The following CADPS variants were observed in gnomAD, a reference collection of about 807,000 sequenced individuals.
The protein encoded by CADPS is calcium dependent secretion activator.
A neutral mutation model predicts 167.3 loss-of-function variants in CADPS; 57 were observed. The observed-to-expected ratio is 0.34, with a 90% CI of 0.28 to 0.42. CADPS has a LOEUF of 0.42. CADPS is among the 20% of genes least tolerant of loss of function. The pLI, the probability that CADPS is intolerant of heterozygous loss-of-function variation, is 1.00. For missense variants in CADPS, 1,414 were observed against 1,738.1 expected, an observed-to-expected ratio of 0.81 and a Z score of 3.32; for synonymous variants, 676 against 635.3, an observed-to-expected ratio of 1.06 and a Z score of -0.96.
intron 6 of CADPS, among the ~76,000 whole-genome samples, chr3:62,611,987 T>C (rs539741500): frequency 1.3e-5 from 2 of 152,350 alleles, no homozygotes; most frequent in South Asian, 4.1e-4. Flanking sequence ...GGACAAGGAC[T>C]CTTGCTTGCT....
intron 1 of CADPS, among the ~76,000 whole-genome samples, chr3:62,831,293 T>G (rs1298540830): frequency 6.6e-6 from 1 of 152,090 alleles, no homozygotes; most frequent in Non-Finnish European, 1.5e-5. Context: ...TAGAGAGAGG[T>G]GAAATAACTT....
At chr3:62,619,130 C>T (rs1450456511) in intron 6 of CADPS, among the ~76,000 whole-genome samples, 1 of 152,194 alleles carries the variant, frequency 6.6e-6, no homozygotes, top group Non-Finnish European at 1.5e-5. Context: ...TCAACAGTTG[C>T]AACTAAGATT....
chr3:62,566,321 G>A (rs2080184048), intron 9 of CADPS, among the ~76,000 whole-genome samples: 1 of 152,204 alleles, frequency 6.6e-6, no homozygotes, highest in Non-Finnish European at 1.5e-5. Flanking sequence ...TAAGGGTTTG[G>A]TGGCTAAAGA....
intron 1 of CADPS, among the ~76,000 whole-genome samples, chr3:62,792,664 T>C (rs1402149027): frequency 1.3e-5 from 2 of 152,182 alleles, no homozygotes; most frequent in African/African-American, 2.4e-5. Context: ...GGCAAAATCA[T>C]AGCTCACTAC....
chr3:62,487,663 T>C (rs1333510005), intron 21 of CADPS, among the ~76,000 whole-genome samples: 2 of 152,244 alleles, frequency 1.3e-5, no homozygotes, highest in African/African-American at 4.8e-5. Flanking sequence ...ACTGTCTTTC[T>C]AGGGAAAGGC....
At chr3:62,861,787 C>T (rs921418718) in intron 1 of CADPS, among the ~76,000 whole-genome samples, 1 of 152,172 alleles carries the variant, frequency 6.6e-6, no homozygotes, top group African/African-American at 2.4e-5. Flanking sequence ...ATGAACCAAC[C>T]TTTGTTCTTA....
chr3:62,478,173 G>C lies in CADPS; in HGVS notation c.3329+88C>G. ...CTTCTCCAATTAGTTTCAAACTACA[G>C]CCAATTGAAAGAGCAGCCATCTACC... On this transcript the variant is annotated intron_variant, in intron 23 of 29. Transcript: ENST00000383710. The surrounding 1 kb of genome is among the most constrained non-coding windows in gnomAD (Gnocchi z 5.7). The C allele has an allele frequency of 1.4e-6, 2 of 1,406,968 alleles. No homozygotes were observed. Among genetic ancestry groups the C allele is most frequent in the Non-Finnish European group, 2.0e-6 (2 of 1,012,724 alleles). 87.2% of individuals were successfully genotyped at this position (1,406,968 alleles called of 1,614,324 possible). A position where few individuals can be genotyped will look rare whatever the true frequency, so the allele number is the denominator to read the frequency against.
chr3:62,465,321 C>A lies in CADPS; in HGVS notation c.3636+46G>T. 6.7e-7 allele frequency: 1 copy of A among 1,485,676 alleles called. No individual in the cohort carries two copies. The highest frequency in any genetic ancestry group is 1.3e-5 in the South Asian group (1 of 79,890). The allele number at this position is 1,485,676 out of a possible 1,614,324, so 92.0% of individuals were successfully genotyped here. ...CATAACTCCTCTCCCAAGCCGAAAC[C>A]AAAAATTAAAACAAAAGCCAGGAAA... On this transcript the variant is annotated intron_variant, in intron 26 of 29. Coordinates refer to ENST00000383710, the MANE Select transcript of CADPS (RefSeq NM_003716.4). This position sits in a 1 kb window ranked among gnomAD's most constrained non-coding sequence, Gnocchi z 4.1.
intron 28 of CADPS, among the ~76,000 whole-genome samples, chr3:62,426,085 C>T (rs533015812): frequency 3.9e-5 from 6 of 152,156 alleles, no homozygotes; most frequent in African/African-American, 1.2e-4. Context: ...TGGAATGTAT[C>T]GCTACTTTTC....
chr3:62,756,004 G>T (rs116369813), intron 2 of CADPS, among the ~76,000 whole-genome samples: 1,926 of 151,910 alleles, frequency 0.013, 18 homozygotes, highest in Middle Eastern at 0.027. Flanking sequence ...CTTGCTGTGT[G>T]ACCTTGAGTA....
chr3:62,431,677 G>A (rs1042838392), intron 28 of CADPS, among the ~76,000 whole-genome samples: 1 of 151,596 alleles, frequency 6.6e-6, no homozygotes, highest in African/African-American at 2.4e-5. Context: ...AAATTTAAGG[G>A]GCATCACAAC....
intron 3 of CADPS, among the ~76,000 whole-genome samples, chr3:62,733,832 C>T (rs2078431728): frequency 6.6e-6 from 1 of 152,066 alleles, no homozygotes; most frequent in Non-Finnish European, 1.5e-5. Context: ...GTCTTTGGTC[C>T]CTTACCCCAA....
At position 62,536,527 on chromosome 3, in the gene CADPS, C is replaced by A. The variant is rs1461865777; in HGVS notation, c.2021G>T (p.Cys674Phe). 4.3e-6 allele frequency: 7 copies of A among 1,613,264 alleles called. No homozygotes were observed. In the South Asian group the frequency reaches 7.7e-5, roughly 18 times the overall value. Residue 674 changes from cysteine to phenylalanine, a missense_variant, in exon 12 of 30, where the codon TGT becomes TTT. Cys to Phe is a radical substitution (Grantham distance 205). This residue lies in a region of CADPS where 529 missense variants were observed against 629.6 expected (regional missense o/e 0.84). Coordinates refer to ENST00000383710, the MANE Select transcript of CADPS (RefSeq NM_003716.4). ...AAAGAGGGAAGCGTGGTCAAAGTTA[C>A]AGGGGTTGGAAGAGATAAATTCATC... ...GMDEFISSNPCNFDHASLFEM... is the reference protein window; with the variant it reads ...GMDEFISSNPFNFDHASLFEM...
At position 62,420,282 on chromosome 3, in the gene CADPS, A is replaced by T. The variant is rs150947369; in HGVS notation, c.3778-17097T>A. On this transcript the variant is annotated intron_variant, in intron 28 of 29. Transcript: ENST00000383710. This position sits in a 1 kb window ranked among gnomAD's most constrained non-coding sequence, Gnocchi z 4.1. The stretch of plus-strand genomic sequence containing the variant: ...TTAAGAACACTTTCCAAAGTCCTCT[A>T]GACAGTTTTGAAACTAGATCTATTT... Among the ~76,000 whole-genome samples, 88 of 152,360 alleles carry T rather than the reference A, an allele frequency of 5.8e-4. No individual in the cohort carries two copies. The highest frequency in any genetic ancestry group is 2.0e-3 in the African/African-American group (82 of 41,588).
chr3:62,863,644 G>C (rs1006828219), intron 1 of CADPS, among the ~76,000 whole-genome samples: 2 of 152,124 alleles, frequency 1.3e-5, no homozygotes, highest in Non-Finnish European at 2.9e-5. Context: ...GCATGGATGG[G>C]GAGCAAAGAT....
At chr3:62,711,891 A>G (rs1580930177) in intron 3 of CADPS, among the ~76,000 whole-genome samples, 1 of 152,340 alleles carries the variant, frequency 6.6e-6, no homozygotes, top group East Asian at 1.9e-4. Context: ...CAGCAACTTA[A>G]AAAACCAACA....
rs1167033029 is a variant in CADPS at position 62,746,484 on chromosome 3, A to C, written c.888+6957T>G. On this transcript the variant is annotated intron_variant, in intron 3 of 29. Transcript: ENST00000383710. ...TCAAGTAAGCTGGGACCACAGGTAC[A>C]TGCCACCATGCCTGGCTAATTTTTT... Among the ~76,000 whole-genome samples the C allele has an allele frequency of 3.3e-5, 5 of 152,116 alleles. 1 individual carries two copies. The highest frequency in any genetic ancestry group is 3.3e-4 in the Admixed American group (5 of 15,278).
At chr3:62,654,673 G>T (rs921243390) in intron 4 of CADPS, among the ~76,000 whole-genome samples, 1 of 152,130 alleles carries the variant, frequency 6.6e-6, no homozygotes, top group African/African-American at 2.4e-5. Flanking sequence ...CGGAACAAAG[G>T]TTACATCCCA....
intron 3 of CADPS, among the ~76,000 whole-genome samples, chr3:62,682,067 G>T (rs897947243): frequency 6.6e-6 from 1 of 152,070 alleles, no homozygotes; most frequent in Admixed American, 6.5e-5. Context: ...AAAATAATCA[G>T]AGGAAATGCT....
Sources: gnomAD v4.1 joint callset for allele counts (sites outside exome capture counted in the v4.1 genomes callset) on GRCh38, gnomAD v4.1.1 for gene constraint, gnomAD v4.1.1 regional missense constraint, Gnocchi (gnomAD v3.1) non-coding constraint, MANE v1.5 for transcripts, NCBI Gene and HGNC (gene_info 2026-07-23, HGNC 2026-07-21) for gene names.